Variants in LRIF1 observed in about 807,000 individuals in gnomAD.
LRIF1 encodes the protein ligand-dependent nuclear receptor-interacting factor 1.
A neutral mutation model predicts 52.7 loss-of-function variants in LRIF1; 32 were observed. The ratio of observed to expected loss-of-function variants is 0.61; its 90% CI spans 0.46 to 0.82. The LOEUF (loss-of-function observed/expected upper bound fraction) is 0.82. Among genes scored for constraint, LRIF1 ranks in the 40% least tolerant of loss-of-function variants. The pLI, the probability that LRIF1 is intolerant of heterozygous loss-of-function variation, is 0.00. For missense variants in LRIF1, 887 were observed against 892.0 expected (o/e 0.99, Z 0.07); for synonymous variants, 323 against 317.4 (o/e 1.02, Z -0.19).
intron 1 of LRIF1, among the ~76,000 whole-genome samples, chr1:110,959,723 C>A (rs1049915394): frequency 8.2e-6 from 1 of 122,496 alleles, no homozygotes; most frequent in Admixed American, 1.1e-4. Flanking sequence ...GGCGACAGAG[C>A]GAGACTCCAT....
the LRIF1 span, chr1:110,892,856 C>CA: frequency 1.3e-5 from 3 of 234,436 alleles, no homozygotes; most frequent in Non-Finnish European, 2.5e-5. Flanking sequence ...ATCCATCTTC[C>CA]AAAATCCTCC....
At chr1:110,958,140 C>T (rs1395051523) in intron 1 of LRIF1, among the ~76,000 whole-genome samples, 1 of 152,216 alleles carries the variant, frequency 6.6e-6, no homozygotes, top group African/African-American at 2.4e-5. Flanking sequence ...AAATCATCTA[C>T]AATCTAGCTC....
the LRIF1 span, chr1:110,899,155 A>G: frequency 1.9e-6 from 3 of 1,613,958 alleles, no homozygotes; most frequent in South Asian, 3.3e-5. Flanking sequence ...CTGACCCTGA[A>G]CTGCCAGATT....
chr1:110,936,059 G>A, the LRIF1 span, among the ~76,000 whole-genome samples: 16 of 152,154 alleles, frequency 1.1e-4, no homozygotes, highest in South Asian at 2.7e-3. Flanking sequence ...TTAACATGAT[G>A]AAGGAAAAAA....
the LRIF1 span, among the ~76,000 whole-genome samples, chr1:110,910,251 T>TAG: frequency 6.8e-6 from 1 of 147,024 alleles, no homozygotes. Context: ...ACATGGCACA[T>TAG]ATTCTGAGAT....
chr1:110,928,985 C>T, the LRIF1 span, among the ~76,000 whole-genome samples: 2 of 152,092 alleles, frequency 1.3e-5, no homozygotes, highest in Non-Finnish European at 2.9e-5. Context: ...TGCTTTAAAC[C>T]TTTTTATTTT....
intron 1 of LRIF1, among the ~76,000 whole-genome samples, chr1:110,958,231 C>G (rs974029735): frequency 2.6e-5 from 4 of 152,156 alleles, no homozygotes; most frequent in Non-Finnish European, 4.4e-5. Context: ...CTTTGCTATT[C>G]TGGAATATGC....
chr1:110,878,393 TGC>T, the LRIF1 span, among the ~76,000 whole-genome samples: 26 of 151,880 alleles, frequency 1.7e-4, no homozygotes, highest in Non-Finnish European at 3.2e-4. Context: ...GTAATTACCT[TGC>T]GAATGCTCTT....
the LRIF1 span, among the ~76,000 whole-genome samples, chr1:110,918,311 A>G: frequency 6.6e-6 from 1 of 152,204 alleles, no homozygotes; most frequent in Non-Finnish European, 1.5e-5. Context: ...TAAGACAGGA[A>G]CAAAAAATAA....
chr1:110,934,807 TG>T, the LRIF1 span, among the ~76,000 whole-genome samples: 1 of 152,172 alleles, frequency 6.6e-6, no homozygotes, highest in Non-Finnish European at 1.5e-5. Context: ...TGGCTGGCTT[TG>T]CCACCTGCTG....
the LRIF1 span, chr1:110,898,041 G>T: frequency 2.0e-6 from 1 of 512,788 alleles, no homozygotes; most frequent in Non-Finnish European, 3.5e-6. Flanking sequence ...AGCAAATAAT[G>T]TAATTAACAA....
the LRIF1 span, among the ~76,000 whole-genome samples, chr1:110,924,058 A>T: frequency 6.6e-6 from 1 of 152,144 alleles, no homozygotes; most frequent in East Asian, 1.9e-4. Context: ...ATCACTAGAG[A>T]TTCTAGAGAC....
the LRIF1 span, among the ~76,000 whole-genome samples, chr1:110,878,504 G>A: frequency 6.6e-6 from 1 of 151,876 alleles, no homozygotes; most frequent in Non-Finnish European, 1.5e-5. Context: ...CTGGGAGGTG[G>A]GATTTCAGAA....
In LRIF1 at chr1:110,951,799, C is replaced by T; in HGVS notation, c.1085G>A (p.Gly362Glu). ...IKDNALVMFN[G>E]KVYLLAKKGT... ...CTTTTTAGCCAACAGATAGACTTTC[C>T]CATTAAACATAACCAAAGCATTATC... Residue 362 changes from glycine to glutamate, a missense_variant, in exon 2 of 4, where the codon GGG becomes GAG. Coordinates refer to ENST00000369763, the MANE Select transcript of LRIF1 (RefSeq NM_018372.4). 1 of 1,612,322 alleles carries T rather than the reference C, an allele frequency of 6.2e-7. No homozygotes were observed. The highest frequency in any genetic ancestry group is 8.5e-7 in the Non-Finnish European group (1 of 1,179,988).
chr1:110,949,934 C>T lies in LRIF1; in HGVS notation c.1786G>A (p.Gly596Ser). Reference protein sequence around the residue: ...RIPDHLTSGEGFDSFSSLVKS... With the variant: ...RIPDHLTSGESFDSFSSLVKS... Reference sequence around the variant, plus strand: ...ACCAAACTGCTAAAGGAATCGAAACCTTCTCCAGAGGTCAAATGGTCAGGA... The same window carrying T: ...ACCAAACTGCTAAAGGAATCGAAACTTTCTCCAGAGGTCAAATGGTCAGGA... Residue 596 changes from glycine (G) to serine (S), a missense_variant, in exon 3 of 4, where the codon GGT becomes AGT. Coordinates refer to ENST00000369763, the MANE Select transcript of LRIF1 (RefSeq NM_018372.4). 1 of 1,614,112 alleles carries T rather than the reference C, an allele frequency of 6.2e-7. No individual in the cohort carries two copies. Among genetic ancestry groups the T allele is most frequent in the Non-Finnish European group, 8.5e-7 (1 of 1,180,018 alleles).
chr1:110,881,769 T>G, the LRIF1 span, among the ~76,000 whole-genome samples: 1 of 152,188 alleles, frequency 6.6e-6, no homozygotes, highest in Non-Finnish European at 1.5e-5. Context: ...CACCAACACT[T>G]GGTGTGGTCA....
the LRIF1 span, among the ~76,000 whole-genome samples, chr1:110,886,537 G>GCT: frequency 2.0e-5 from 3 of 151,978 alleles, no homozygotes; most frequent in Admixed American, 6.6e-5. Context: ...AACTCATGAT[G>GCT]CTCTGTTCAT....
chr1:110,890,794 G>A, the LRIF1 span, among the ~76,000 whole-genome samples: 3 of 152,120 alleles, frequency 2.0e-5, no homozygotes, highest in Non-Finnish European at 4.4e-5. Flanking sequence ...TAAGACTGTT[G>A]TCTTCTGGAG....
chr1:110,910,193 C>A, the LRIF1 span, among the ~76,000 whole-genome samples: 5 of 151,592 alleles, frequency 3.3e-5, no homozygotes, highest in Non-Finnish European at 7.4e-5. Context: ...TAACAGACAT[C>A]GACAGAATGC....
Sources: allele counts gnomAD v4.1 joint callset (sites outside exome capture counted in the v4.1 genomes callset), GRCh38; gene constraint gnomAD v4.1.1; transcripts MANE v1.5; gene names NCBI Gene and HGNC (gene_info 2026-07-23, HGNC 2026-07-21).